The following ZNF75D variants were observed in gnomAD, a reference collection of about 807,000 sequenced individuals.
The protein encoded by ZNF75D is zinc finger protein 75.
ZNF75D carries 33 observed loss-of-function variants against 33.3 expected under a neutral mutation model. The ratio of observed to expected loss-of-function variants is 0.99; its 90% CI spans 0.75 to 1.32. The LOEUF is 1.32. Ranked by LOEUF, ZNF75D falls within the 40% of genes most tolerant of loss-of-function variation. The pLI, the probability that ZNF75D is intolerant of heterozygous loss-of-function variation, is 0.00. For missense variants in ZNF75D, 338 were observed against 367.5 expected, an observed-to-expected ratio of 0.92 and a Z score of 0.66; for synonymous variants, 113 against 130.6, an observed-to-expected ratio of 0.87 and a Z score of 0.92.
In ZNF75D at chrX:135,333,856, AC is replaced by A. The variant is rs782078880; in HGVS notation, c.-391+7911del. Among the ~76,000 whole-genome samples, 361 of 112,196 alleles carry A rather than the reference AC, an allele frequency of 3.2e-3. 1 individual carries two copies. The highest frequency in any genetic ancestry group is 5.8e-3 in the Non-Finnish European group (307 of 53,227). On this transcript the variant is annotated intron_variant, in intron 1 of 6. Coordinates refer to ENST00000370766, the MANE Select transcript of ZNF75D (RefSeq NM_007131.5). ...GGTGATATAATTATGGAATTGCAGCACTTTTACAACGAACATCAGAACTGGA... is the reference window on the plus strand; with the variant it reads ...GGTGATATAATTATGGAATTGCAGCATTTTACAACGAACATCAGAACTGGA...
In ZNF75D at chrX:135,252,690, G is replaced by A. The variant is rs2083784488; in HGVS notation, n.1151-679C>T. On this transcript the variant is annotated intron_variant and non_coding_transcript_variant, in intron 2 of 3. Transcript: ENST00000494295. ...AACAAATTATAGCAGCCTGCAAGTT[G>A]TAGAATGAAGAAATGCAAATGTAAA... 3 of 101,602 alleles carry A rather than the reference G, an allele frequency of 3.0e-5. No individual in the cohort carries two copies. In the South Asian group the frequency reaches 1.4e-3, roughly 47 times the overall value. The allele number at this position is 101,602 out of a possible 1,213,427, so 8.4% of individuals were successfully genotyped here.
At chrX:135,268,821 G>A (rs1178944187) in intron 1 of ZNF75D, among the ~76,000 whole-genome samples, 1 of 111,477 alleles carries the variant, frequency 9.0e-6, no homozygotes, top group African/African-American at 3.3e-5. Flanking sequence ...GAAAACTACA[G>A]GAATCACATT....
chrX:135,280,972 T>C (rs1241826931), downstream of ZNF75D, among the ~76,000 whole-genome samples: 1 of 111,639 alleles, frequency 9.0e-6, no homozygotes, highest in African/African-American at 3.3e-5. Flanking sequence ...TGTCTTTGGG[T>C]TGCTCTTCTC....
chrX:135,301,596 C>T (rs782428770), intron 1 of ZNF75D, among the ~76,000 whole-genome samples: 1 of 112,261 alleles, frequency 8.9e-6, no homozygotes, highest in African/African-American at 3.2e-5. Flanking sequence ...CATGCAAGAC[C>T]CAAACACATT....
In ZNF75D at chrX:135,292,349, G is replaced by A. The variant is rs1556421504; in HGVS notation, c.536C>T (p.Thr179Ile). The part of the protein sequence containing the change: ...MGVFQKEYWN[T>I]YRVLQEQLGW... ...CAGCTGTTCTTGTAGTACCCGGTAT[G>A]TATTCCAATATTCTTTCTGGAACAC... The change falls in exon 4 of 7, where the codon ACA becomes ATA. Residue 179 changes from threonine to isoleucine, a missense_variant. Thr to Ile is a moderately conservative substitution (Grantham distance 89, BLOSUM62 -1). Around this residue, in one of 3 missense-constraint regions of ZNF75D, gnomAD observed 254 missense variants for 267.7 expected, o/e 0.95. Coordinates refer to ENST00000370766, the MANE Select transcript of ZNF75D (RefSeq NM_007131.5). 8.3e-7 allele frequency: 1 copy of A among 1,211,578 alleles called. No individual in the cohort carries two copies. Among genetic ancestry groups the A allele is most frequent in the Non-Finnish European group, 1.1e-6 (1 of 895,334 alleles).
At chrX:135,321,041 A>G (rs888364471) in intron 1 of ZNF75D, among the ~76,000 whole-genome samples, 2 of 111,992 alleles carry the variant, frequency 1.8e-5, no homozygotes, top group Non-Finnish European at 3.8e-5. Context: ...TGGAGGCTGG[A>G]AAGTCCAAGA....
intron 1 of ZNF75D, among the ~76,000 whole-genome samples, chrX:135,324,492 G>A (rs1339661436): frequency 8.9e-6 from 1 of 112,838 alleles, no homozygotes; most frequent in African/African-American, 3.2e-5. Flanking sequence ...GGATGCTGCT[G>A]TTAGTATACT....
chrX:135,272,324 G>A (rs781992036), intron 1 of ZNF75D, among the ~76,000 whole-genome samples: 218 of 103,410 alleles, frequency 2.1e-3, no homozygotes, highest in Middle Eastern at 4.7e-3. Context: ...TTTTATCTCA[G>A]GGTCTCCCCC....
chrX:135,257,959 G>A (rs782700334), intron 1 of ZNF75D, among the ~76,000 whole-genome samples: 8 of 106,740 alleles, frequency 7.5e-5, no homozygotes, highest in Middle Eastern at 4.9e-3. Flanking sequence ...TATTCCTCCC[G>A]GAGCCCCCCC....
chrX:135,293,025 G>A (rs2084069223), intron 3 of ZNF75D, among the ~76,000 whole-genome samples: 1 of 111,143 alleles, frequency 9.0e-6, no homozygotes. Flanking sequence ...CCAAAAATAT[G>A]GCCTGCCCTG....
At chrX:135,334,128 T>C (rs1556441576) in intron 1 of ZNF75D, among the ~76,000 whole-genome samples, 1 of 112,295 alleles carries the variant, frequency 8.9e-6, no homozygotes. Flanking sequence ...GCATATTGTC[T>C]TGAAGACTTT....
At chrX:135,274,942 A>G (rs62599925) in intron 1 of ZNF75D, among the ~76,000 whole-genome samples, 324 of 111,799 alleles carry the variant, frequency 2.9e-3, no homozygotes, top group Non-Finnish European at 5.3e-3. Context: ...TAAGAACTCT[A>G]GGTAACACAT....
At chrX:135,317,416 G>A (rs1329994412) in intron 1 of ZNF75D, among the ~76,000 whole-genome samples, 2 of 111,608 alleles carry the variant, frequency 1.8e-5, no homozygotes. Context: ...TGGCACCATT[G>A]TTAGCAGGTC....
intron 1 of ZNF75D, among the ~76,000 whole-genome samples, chrX:135,265,085 G>A (rs1317911443): frequency 1.8e-5 from 2 of 110,969 alleles, no homozygotes; most frequent in African/African-American, 6.6e-5. Context: ...CAGGTGTGGT[G>A]GCATGTGCCT....
chrX:135,315,443 C>T (rs904985831), intron 1 of ZNF75D, among the ~76,000 whole-genome samples: 3 of 112,267 alleles, frequency 2.7e-5, no homozygotes, highest in East Asian at 2.8e-4. Context: ...GTTCTATAAA[C>T]GTCTGTTAGG....
intron 2 of ZNF75D, chrX:135,253,688 G>A (rs1170402317): frequency 4.0e-6 from 1 of 249,464 alleles, no homozygotes; most frequent in African/African-American, 2.9e-5. Context: ...ACGCTGTGCA[G>A]GGGTGCTTAG....
chrX:135,306,813 T>C (rs1223566512), intron 1 of ZNF75D, among the ~76,000 whole-genome samples: 1 of 112,602 alleles, frequency 8.9e-6, no homozygotes, highest in Non-Finnish European at 1.9e-5. Flanking sequence ...CCAATGTAAA[T>C]AGGACATTTT....
downstream of ZNF75D, among the ~76,000 whole-genome samples, chrX:135,283,549 C>T (rs190918217): frequency 8.2e-4 from 92 of 111,750 alleles, no homozygotes; most frequent in African/African-American, 1.9e-3. Flanking sequence ...GCCATGATTC[C>T]GTTTTGTTTA....
rs782522670 is a variant in ZNF75D at position 135,300,253 on chromosome X, C to G, written c.-390-4214G>C. On this transcript the variant is annotated intron_variant, in intron 1 of 6. Coordinates refer to ENST00000370766, the MANE Select transcript of ZNF75D (RefSeq NM_007131.5). ...AAAAATGATCAAAAGTTGGCCCTTTCTTATACAAAGAAGCAGAAGAAGGAA... is the reference window on the plus strand; with the variant it reads ...AAAAATGATCAAAAGTTGGCCCTTTGTTATACAAAGAAGCAGAAGAAGGAA... Among the ~76,000 whole-genome samples, 12 of 111,622 alleles carry G rather than the reference C, an allele frequency of 1.1e-4. No individual in the cohort carries two copies. In the East Asian group the frequency reaches 3.1e-3, roughly 29 times the overall value.
Sources: gnomAD v4.1 joint callset for allele counts (sites outside exome capture counted in the v4.1 genomes callset) on GRCh38, gnomAD v4.1.1 for gene constraint, gnomAD v4.1.1 regional missense constraint, MANE v1.5 for transcripts, NCBI Gene and HGNC (gene_info 2026-07-23, HGNC 2026-07-21) for gene names.